TNRC18: variants seen among roughly 807,000 people sequenced by gnomAD.
TNRC18 encodes the protein trinucleotide repeat containing 18.
TNRC18 carries 69 observed loss-of-function variants against 226.7 expected under a neutral mutation model. The ratio of observed to expected loss-of-function variants is 0.30; its 90% CI spans 0.25 to 0.37. TNRC18 has a LOEUF of 0.37. Among genes scored for constraint, TNRC18 ranks in the 10% least tolerant of loss-of-function variants. TNRC18 has a pLI of 1.00. For missense variants in TNRC18, 4,754 were observed against 4,256.6 expected, an observed-to-expected ratio of 1.12 and a Z score of -3.25; for synonymous variants, 2,449 against 1,927.6, an observed-to-expected ratio of 1.27 and a Z score of -7.09.
chr7:5,413,201 G>T (rs1438796894), intron 2 of TNRC18, among the ~76,000 whole-genome samples: 1 of 152,180 alleles, frequency 6.6e-6, no homozygotes, highest in South Asian at 2.1e-4. Flanking sequence ...GTACATGAGA[G>T]GGTGGGAGGA....
intron 16 of TNRC18, among the ~76,000 whole-genome samples, chr7:5,353,633 A>G (rs1247168318): frequency 1.3e-5 from 2 of 150,946 alleles, no homozygotes; most frequent in African/African-American, 4.9e-5. Flanking sequence ...AAGCAAGAGG[A>G]GACCGTTCTC....
In TNRC18 at chr7:5,307,430, A is replaced by C. The variant is rs918982238; in HGVS notation, c.*676T>G. Reference sequence around the variant, plus strand: ...CCAGGCGTGGCCGGGCGACAGTTTCAGCACCATTGGGGTTTTCTGTAGTGT... The same window carrying C: ...CCAGGCGTGGCCGGGCGACAGTTTCCGCACCATTGGGGTTTTCTGTAGTGT... On this transcript the variant is annotated 3_prime_UTR_variant, in exon 30 of 30. Transcript: ENST00000430969. 2.9e-6 allele frequency: 1 copy of C among 348,808 alleles called. No individual in the cohort carries two copies. The highest frequency in any genetic ancestry group is 2.2e-5 in the African/African-American group (1 of 46,172). The allele number at this position is 348,808 out of a possible 1,614,324, so 21.6% of individuals were successfully genotyped here. A position where few individuals can be genotyped will look rare whatever the true frequency, so the allele number is the denominator to read the frequency against.
In TNRC18 at chr7:5,308,026, T is replaced by C; in HGVS notation, c.*80A>G. 7.5e-7 allele frequency: 1 copy of C among 1,338,772 alleles called. No individual in the cohort carries two copies. The highest frequency in any genetic ancestry group is 1.0e-6 in the Non-Finnish European group (1 of 973,242). The allele number at this position is 1,338,772 out of a possible 1,614,324, so 82.9% of individuals were successfully genotyped here. On this transcript the variant is annotated 3_prime_UTR_variant, in exon 30 of 30. Transcript: ENST00000430969. ...AGCGCTCGCATGCACACAACGCACG[T>C]GGTCTCCGCGCCATGGCAGTGATGG...
At position 5,374,156 on chromosome 7, in the gene TNRC18, G is replaced by C. The variant is rs775639607; in HGVS notation, c.3128C>G (p.Pro1043Arg). Residue 1043 changes from proline (P) to arginine (R), a missense_variant, in exon 10 of 30, where the codon CCG becomes CGG. Transcript: ENST00000430969. ...SPPPASPPPT[P>R]GITRKEEAPE... ...AGCCTCCTCCTTGCGGGTGATACCC[G>C]GGGTGGGCGGTGGGGAGGCGGGCGG... is the stretch of plus-strand genomic sequence containing the variant. The C allele has an allele frequency of 2.0e-6, 3 of 1,507,608 alleles. No individual in the cohort carries two copies. The African/African-American group carries it at 4.3e-5, about 22-fold the overall frequency. 93.4% of individuals were successfully genotyped at this position (1,507,608 alleles called of 1,614,324 possible). A position where few individuals can be genotyped will look rare whatever the true frequency, so the allele number is the denominator to read the frequency against.
chr7:5,374,627 C>A, intron 9 of TNRC18, 143 bp from the exon 10 acceptor site: 1 of 793,962 alleles, frequency 1.3e-6, no homozygotes, highest in Non-Finnish European at 1.9e-6. Flanking sequence ...CACCCCGTCC[C>A]AGGCCAGAGA....
chr7:5,345,607 C>G lies in TNRC18; in HGVS notation c.5674G>C (p.Ala1892Pro). The change falls in exon 18 of 30, where the codon GCC (alanine) becomes CCC (proline). Residue 1892 changes from alanine (A) to proline (P), a missense_variant. Transcript: ENST00000430969. ...GPSLSVVQLE[A>P]KQKARKKEER... Reference sequence around the variant, plus strand: ...TCTTTCTTCCGGGCCTTCTGCTTGGCCTCCAGCTGTACCACAGACAGGGAT... The same window carrying G: ...TCTTTCTTCCGGGCCTTCTGCTTGGGCTCCAGCTGTACCACAGACAGGGAT... The G allele has an allele frequency of 7.0e-7, 1 of 1,434,744 alleles. No homozygotes were observed. The highest frequency in any genetic ancestry group is 9.3e-7 in the Non-Finnish European group (1 of 1,074,436). 88.9% of individuals were successfully genotyped at this position (1,434,744 alleles called of 1,614,324 possible).
Position 5,403,205 on chromosome 7 carries a change from G to A in TNRC18, c.188-8610C>T, listed in dbSNP as rs190803508. Among the ~76,000 whole-genome samples the A allele has an allele frequency of 4.6e-4, 70 of 150,972 alleles. 1 individual carries two copies. In the East Asian group the frequency reaches 0.012, roughly 25 times the overall value. ...GAGACAGAGTTTCACTTGTTGCCCAGGCTGGAGTGCAATGGCGTGATCTCA... is the reference window on the plus strand; with the variant it reads ...GAGACAGAGTTTCACTTGTTGCCCAAGCTGGAGTGCAATGGCGTGATCTCA... On this transcript the variant is annotated intron_variant, in intron 2 of 29. Transcript: ENST00000430969.
chr7:5,418,808 C>G (rs1782352192), intron 2 of TNRC18, among the ~76,000 whole-genome samples: 1 of 152,146 alleles, frequency 6.6e-6, no homozygotes, highest in South Asian at 2.1e-4. Flanking sequence ...AATGTGTAAT[C>G]CGGCCCAGCC....
chr7:5,318,695 A>G (rs1288366691), intron 24 of TNRC18, among the ~76,000 whole-genome samples: 2 of 152,184 alleles, frequency 1.3e-5, no homozygotes, highest in Non-Finnish European at 2.9e-5. Flanking sequence ...TCCTACAATG[A>G]TTTTGGAATC....
Position 5,421,053 on chromosome 7 carries a change from C to T in TNRC18, c.187+7G>A. 3 of 1,522,704 alleles carry T rather than the reference C, an allele frequency of 2.0e-6. No homozygotes were observed. Among genetic ancestry groups the T allele is most frequent in the South Asian group, 1.2e-5 (1 of 82,750 alleles). The allele number at this position is 1,522,704 out of a possible 1,614,324, so 94.3% of individuals were successfully genotyped here. A position where few individuals can be genotyped will look rare whatever the true frequency, so the allele number is the denominator to read the frequency against. ...AGGAGGGGACGGGCACGGCGCGGGGCACTTACCCGGGTGCGGATGGAGATT... is the reference window on the plus strand; with the variant it reads ...AGGAGGGGACGGGCACGGCGCGGGGTACTTACCCGGGTGCGGATGGAGATT... On this transcript the variant is annotated splice_region_variant and intron_variant, in intron 2 of 29. Coordinates refer to ENST00000430969, the MANE Select transcript of TNRC18 (RefSeq NM_001080495.3).
At chr7:5,380,630 C>T (rs901700009) in intron 5 of TNRC18, among the ~76,000 whole-genome samples, 8 of 152,218 alleles carry the variant, frequency 5.3e-5, no homozygotes, top group African/African-American at 1.9e-4. Context: ...CCTGGACCTC[C>T]AACATCAACG....
At chr7:5,337,457 C>G (rs1790235141) in intron 18 of TNRC18, among the ~76,000 whole-genome samples, 1 of 148,840 alleles carries the variant, frequency 6.7e-6, no homozygotes. Flanking sequence ...GCACTCCAGC[C>G]TGGGTGACAG....
At position 5,313,688 on chromosome 7, in the gene TNRC18, G is replaced by A. The variant is rs375864857; in HGVS notation, c.7203C>T (p.Pro2401=). Residue 2401 remains proline (P), a synonymous_variant, in exon 27 of 30, where the codon CCC becomes CCT. Coordinates refer to ENST00000430969, the MANE Select transcript of TNRC18 (RefSeq NM_001080495.3). The part of the protein sequence containing the change: ...PAPPQPSPAP[P]AFTSCPAPEP... ...CGGGTGCTGGGCAGCTGGTGAAGGC[G>A]GGTGGTGCGGGACTGGGCTGCGGCG... is the stretch of plus-strand genomic sequence containing the variant. The A allele has an allele frequency of 2.4e-5, 38 of 1,604,954 alleles. No homozygotes were observed. Among genetic ancestry groups the A allele is most frequent in the East Asian group, 6.7e-5 (3 of 44,694 alleles).
At chr7:5,345,068 G>A (rs74979742) in intron 18 of TNRC18, among the ~76,000 whole-genome samples, 2,053 of 152,224 alleles carry the variant, frequency 0.013, 29 homozygotes, top group Non-Finnish European at 0.02. Context: ...TGTCCCACCC[G>A]TTCTCCCATG....
At chr7:5,395,624 A>C (rs1468129328) in intron 2 of TNRC18, among the ~76,000 whole-genome samples, 1 of 152,262 alleles carries the variant, frequency 6.6e-6, no homozygotes, top group Non-Finnish European at 1.5e-5. Flanking sequence ...CTCGGTTTGC[A>C]CATCAACAAA....
intron 24 of TNRC18, among the ~76,000 whole-genome samples, chr7:5,316,303 G>C (rs947313241): frequency 5.2e-5 from 5 of 95,488 alleles, no homozygotes; most frequent in African/African-American, 2.0e-4. Context: ...TTTTGAGACA[G>C]AGTTTCGCTG....
chr7:5,363,473 G>A (rs554566297), intron 11 of TNRC18, among the ~76,000 whole-genome samples: 14 of 151,380 alleles, frequency 9.2e-5, no homozygotes, highest in South Asian at 2.1e-4. Context: ...GTGTGGTGGC[G>A]GGCGCCTGTA....
At chr7:5,336,034 C>T (rs991645047) in intron 18 of TNRC18, among the ~76,000 whole-genome samples, 1 of 151,724 alleles carries the variant, frequency 6.6e-6, no homozygotes, top group Admixed American at 6.6e-5. Context: ...TGGCAAAACC[C>T]CATCTCTACA....
At chr7:5,352,609 T>C (rs1005714077) in intron 16 of TNRC18, among the ~76,000 whole-genome samples, 1 of 152,260 alleles carries the variant, frequency 6.6e-6, no homozygotes, top group Non-Finnish European at 1.5e-5. Context: ...GTTTACACCA[T>C]GGGAATGGGC....
Sources: gnomAD v4.1 joint callset for allele counts (sites outside exome capture counted in the v4.1 genomes callset) on GRCh38, gnomAD v4.1.1 for gene constraint, MANE v1.5 for transcripts, NCBI Gene and HGNC (gene_info 2026-07-23, HGNC 2026-07-21) for gene names.